TOPBP1: variants seen among roughly 807,000 people sequenced by gnomAD.
The protein encoded by TOPBP1 is DNA topoisomerase II binding protein 1.
TOPBP1 carries 28 observed loss-of-function variants against 167.7 expected under a neutral mutation model. The ratio of observed to expected loss-of-function variants is 0.17; its 90% confidence interval spans 0.12 to 0.23. TOPBP1 has a LOEUF of 0.23. Among genes scored for constraint, TOPBP1 ranks in the 10% least tolerant of loss-of-function variants. The probability of loss-of-function intolerance (pLI) is 1.00; values close to 1 mark genes in which losing one functional copy is unlikely to be tolerated. For missense variants in TOPBP1, 1,554 were observed against 1,809.6 expected, an observed-to-expected ratio of 0.86 and a Z score of 2.56; for synonymous variants, 598 against 611.4, an observed-to-expected ratio of 0.98 and a Z score of 0.32.
intron 16 of TOPBP1, among the ~76,000 whole-genome samples, chr3:133,626,534 AT>A (rs796342272): frequency 6.6e-6 from 1 of 152,090 alleles, no homozygotes; most frequent in Non-Finnish European, 1.5e-5. Context: ...TAAACAAGTT[AT>A]TTTTTTGCAG....
In TOPBP1 at chr3:133,600,972, A is replaced by C; in HGVS notation, c.*278T>G. 1 of 193,550 alleles carries C rather than the reference A, an allele frequency of 5.2e-6. No homozygotes were observed. Among genetic ancestry groups the C allele is most frequent in the Non-Finnish European group, 1.0e-5 (1 of 95,490 alleles). 12.0% of individuals were successfully genotyped at this position (193,550 alleles called of 1,614,324 possible). On this transcript the variant is annotated 3_prime_UTR_variant, in exon 28 of 28. Coordinates refer to ENST00000260810, the MANE Select transcript of TOPBP1 (RefSeq NM_007027.4). ...TACAGCTTCAGATATTTACAAGAAA[A>C]ATAAATATCTTTTAACAGACTTCAA...
At position 133,649,826 on chromosome 3, in the gene TOPBP1, C is replaced by G. The variant is rs372533094; in HGVS notation, c.1207G>C (p.Asp403His). 4 of 1,611,362 alleles carry G rather than the reference C, an allele frequency of 2.5e-6. No individual in the cohort carries two copies. The African/African-American group carries it at 5.3e-5, about 22-fold the overall frequency. ...AACTGCTTCAATTCATCATCATAAT[C>G]TCCCACAATAACATGAGTTACATCT... is the stretch of plus-strand genomic sequence containing the variant. ...NEDVTHVIVG[D>H]YDDELKQFWN... The change falls in exon 9 of 28, where the codon GAT becomes CAT. Residue 403 changes from aspartate to histidine, a missense_variant. Physicochemically the swap from Asp to His is moderately conservative, Grantham distance 81. Transcript: ENST00000260810.
chr3:133,660,632 T>C (rs1389436617), intron 2 of TOPBP1, among the ~76,000 whole-genome samples: 1 of 152,226 alleles, frequency 6.6e-6, no homozygotes, highest in African/African-American at 2.4e-5. Flanking sequence ...GAAGCAAGGA[T>C]CTACATCACC....
chr3:133,641,808 T>C (rs569105752), intron 12 of TOPBP1, among the ~76,000 whole-genome samples: 5 of 152,348 alleles, frequency 3.3e-5, no homozygotes, highest in Admixed American at 2.0e-4. Flanking sequence ...AAAAGAATTT[T>C]ATTATTTCAT....
At chr3:133,647,324 A>G (rs2107820282) in intron 10 of TOPBP1, among the ~76,000 whole-genome samples, 1 of 152,314 alleles carries the variant, frequency 6.6e-6, no homozygotes, top group South Asian at 2.1e-4. Context: ...TTAAAGGCAT[A>G]TTGAGTTTGT....
At chr3:133,640,410 AG>A (rs1322995535) in intron 12 of TOPBP1, among the ~76,000 whole-genome samples, 2 of 152,188 alleles carry the variant, frequency 1.3e-5, no homozygotes, top group Non-Finnish European at 2.9e-5. Flanking sequence ...TGCAAAGAAC[AG>A]ACAGCAAAAA....
chr3:133,617,195 C>T lies in TOPBP1; in HGVS notation c.3724G>A (p.Ala1242Thr), dbSNP rs776226089. ...GGGTGCGGAGCCACAGGGGGGTTGG[C>T]GAGTGGAAAGGCAATACTGGGGGCT... ...PQAPSIAFPL[A>T]NPPVAPHPRE... The change falls in exon 22 of 28, where the codon GCC becomes ACC. Residue 1242 changes from alanine (A) to threonine (T), a missense_variant. Ala to Thr is a moderately conservative substitution (Grantham distance 58). Around this residue, in one of 3 missense-constraint regions of TOPBP1, gnomAD observed 351 missense variants for 432.9 expected, o/e 0.81. Transcript: ENST00000260810. 4.3e-5 allele frequency: 69 copies of T among 1,612,770 alleles called. 1 individual carries two copies. In the South Asian group the frequency reaches 4.6e-4, roughly 11 times the overall value.
Position 133,623,213 on chromosome 3 carries a change from A to G in TOPBP1, c.3076-20T>C, listed in dbSNP as rs1392440461. 1.9e-6 allele frequency: 3 copies of G among 1,610,372 alleles called. No homozygotes were observed. The highest frequency in any genetic ancestry group is 2.5e-6 in the Non-Finnish European group (3 of 1,178,310). Reference sequence around the variant, plus strand: ...ATCTGGCTATTGAAAAAGAAAAATTATAAATTCTCAAACCAAGCCACTGTA... The same window carrying G: ...ATCTGGCTATTGAAAAAGAAAAATTGTAAATTCTCAAACCAAGCCACTGTA... On this transcript the variant is annotated intron_variant, in intron 18 of 27. Transcript: ENST00000260810.
chr3:133,642,259 G>C (rs556713656), intron 12 of TOPBP1, among the ~76,000 whole-genome samples: 8 of 152,176 alleles, frequency 5.3e-5, no homozygotes, highest in South Asian at 2.1e-4. Flanking sequence ...CCGAGTGCTG[G>C]GATTACAGGT....
rs1447224009 is a variant in TOPBP1, at chr3:133,640,296, G to C, written c.2022-126C>G. ...GTATAAAAAAAAATACTGATTAAAA[G>C]TTGGTTTACTCTATCTGAAATTAAG... is the stretch of plus-strand genomic sequence containing the variant. On this transcript the variant is annotated intron_variant, in intron 12 of 27. Coordinates refer to ENST00000260810, the MANE Select transcript of TOPBP1 (RefSeq NM_007027.4). The C allele has an allele frequency of 7.3e-6, 6 of 825,874 alleles. No individual in the cohort carries two copies. In the East Asian group the frequency reaches 1.6e-4, roughly 22 times the overall value. 51.2% of individuals were successfully genotyped at this position (825,874 alleles called of 1,614,324 possible). A position where few individuals can be genotyped will look rare whatever the true frequency, so the allele number is the denominator to read the frequency against.
In TOPBP1 at chr3:133,623,417, G is replaced by T. The variant is rs750185927; in HGVS notation, c.2969C>A (p.Pro990Gln). 1 of 1,612,640 alleles carries T rather than the reference G, an allele frequency of 6.2e-7. No homozygotes were observed. Among genetic ancestry groups the T allele is most frequent in the Non-Finnish European group, 8.5e-7 (1 of 1,179,274 alleles). The change falls in exon 18 of 28, where the codon CCA (proline) becomes CAA (glutamine). Residue 990 changes from proline (P) to glutamine (Q), a missense_variant. This residue lies in a region of TOPBP1 where 1,197 missense variants were observed against 1,351.5 expected (regional missense o/e 0.89). Transcript: ENST00000260810. ...ECKHLPESLY[P>Q]HTYNPKMSLD... Reference sequence around the variant, plus strand: ...GCTCATTTTGGGATTATAAGTATGTGGATAAAGAGATTCAGGAAGATGTTT... The same window carrying T: ...GCTCATTTTGGGATTATAAGTATGTTGATAAAGAGATTCAGGAAGATGTTT...
rs774964869 is a variant in TOPBP1, at chr3:133,661,129, T to A, written c.-2A>T. The A allele has an allele frequency of 1.3e-6, 2 of 1,575,712 alleles. No homozygotes were observed. Among genetic ancestry groups the A allele is most frequent in the Admixed American group, 4.0e-5 (2 of 49,410 alleles). On this transcript the variant is annotated 5_prime_UTR_variant, in exon 2 of 28. Transcript: ENST00000260810. Reference sequence around the variant, plus strand: ...CGGTTCTTTGTCATTTCTGGACATTTCTGAACTGTCAAAATAAAGGAACCA... The same window carrying A: ...CGGTTCTTTGTCATTTCTGGACATTACTGAACTGTCAAAATAAAGGAACCA...
intron 16 of TOPBP1, among the ~76,000 whole-genome samples, chr3:133,627,634 T>C (rs1277814633): frequency 1.3e-5 from 2 of 152,212 alleles, no homozygotes; most frequent in Non-Finnish European, 2.9e-5. Context: ...CTAATCATAT[T>C]CCTGCAATGG....
chr3:133,620,636 G>C (rs773494839), intron 19 of TOPBP1, among the ~76,000 whole-genome samples: 2 of 146,798 alleles, frequency 1.4e-5, no homozygotes, highest in Non-Finnish European at 3.0e-5. Context: ...ACAGTGGTGC[G>C]ACCTCGGCTC....
At position 133,652,518 on chromosome 3, in the gene TOPBP1, T is replaced by C; in HGVS notation, c.1034A>G (p.Glu345Gly). The C allele has an allele frequency of 6.2e-7, 1 of 1,612,014 alleles. No individual in the cohort carries two copies. Among genetic ancestry groups the C allele is most frequent in the South Asian group, 1.1e-5 (1 of 90,950 alleles). ...TTGAAATGCACTGACATCCAGATTTTCTAGATTTTCAAGTGTAGGCTCCAG... is the reference window on the plus strand; with the variant it reads ...TTGAAATGCACTGACATCCAGATTTCCTAGATTTTCAAGTGTAGGCTCCAG... ...SKLEPTLENL[E>G]NLDVSAFQAP... The change falls in exon 8 of 28, where the codon GAA becomes GGA. Residue 345 changes from glutamate to glycine, a missense_variant. This residue lies in a region of TOPBP1 where 1,197 missense variants were observed against 1,351.5 expected (regional missense o/e 0.89). Transcript: ENST00000260810.
chr3:133,647,876 C>G (rs920019040), intron 10 of TOPBP1, among the ~76,000 whole-genome samples: 2 of 152,006 alleles, frequency 1.3e-5, no homozygotes. Flanking sequence ...AAGATAAGGA[C>G]AGGTTAAGTG....
chr3:133,622,354 G>T (rs1208197430), intron 19 of TOPBP1, among the ~76,000 whole-genome samples: 1 of 151,652 alleles, frequency 6.6e-6, no homozygotes, highest in Non-Finnish European at 1.5e-5. Context: ...ACCATGCCCG[G>T]CTAATTTTTT....
At position 133,655,500 on chromosome 3, in the gene TOPBP1, A is replaced by T; in HGVS notation, c.546-14T>A. 1.5e-6 allele frequency: 2 copies of T among 1,348,828 alleles called. No homozygotes were observed. The highest frequency in any genetic ancestry group is 2.0e-6 in the Non-Finnish European group (2 of 1,020,016). 83.6% of individuals were successfully genotyped at this position (1,348,828 alleles called of 1,614,324 possible). A position where few individuals can be genotyped will look rare whatever the true frequency, so the allele number is the denominator to read the frequency against. On this transcript the variant is annotated splice_polypyrimidine_tract_variant and intron_variant, in intron 5 of 27. Transcript: ENST00000260810. Reference sequence around the variant, plus strand: ...CTAGTTATTTTTCTGTGGGAATCAAATGGTTAAAAAAGAACATATTAAATT... The same window carrying T: ...CTAGTTATTTTTCTGTGGGAATCAATTGGTTAAAAAAGAACATATTAAATT...
chr3:133,659,127 T>C lies in TOPBP1; in HGVS notation c.108A>G (p.Glu36=). The C allele has an allele frequency of 6.3e-7, 1 of 1,574,866 alleles. No homozygotes were observed. Residue 36 remains glutamate, a synonymous_variant, in exon 3 of 28, where the codon GAA becomes GAG. Transcript: ENST00000260810. ...ALESIKEFQS[E]EYLQIITEEE... is the part of the protein sequence containing the mutation. ...CTTCTGTAATAATCTGAAGATATTC[T>C]TCTGATTGGAATTCTTTTATGGACT...
Sources: allele counts gnomAD v4.1 joint callset (sites outside exome capture counted in the v4.1 genomes callset), GRCh38; gene constraint gnomAD v4.1.1; regional missense constraint gnomAD v4.1.1; transcripts MANE v1.5; gene names NCBI Gene and HGNC (gene_info 2026-07-23, HGNC 2026-07-21).